Variants in ADGRB1 observed in about 807,000 individuals in gnomAD.
The protein encoded by ADGRB1 is brain-specific angiogenesis inhibitor 1.
Under a neutral mutation model 175.7 loss-of-function variants are expected in ADGRB1, and 36 were observed. That is an observed-to-expected ratio of 0.20 (90% CI 0.16 to 0.27). The LOEUF (loss-of-function observed/expected upper bound fraction) is 0.27, where lower values mean the gene tolerates loss of function less well. Among genes scored for constraint, ADGRB1 ranks in the 10% least tolerant of loss-of-function variants. The pLI, the probability that ADGRB1 is intolerant of heterozygous loss-of-function variation, is 1.00. For missense variants in ADGRB1, 1,731 were observed against 2,255.3 expected, an observed-to-expected ratio of 0.77 and a Z score of 4.71; for synonymous variants, 1,054 against 979.4, an observed-to-expected ratio of 1.08 and a Z score of -1.42.
intron 21 of ADGRB1, 62 bp downstream of exon 21, chr8:142,522,177 G>A: frequency 3.2e-6 from 5 of 1,567,266 alleles, no homozygotes; most frequent in Non-Finnish European, 4.3e-6. Context: ...TGCTTGTTCT[G>A]TCCTGGCAGC....
intron 24 of ADGRB1, among the ~76,000 whole-genome samples, chr8:142,530,005 C>G (rs895762311): frequency 2.7e-5 from 4 of 147,306 alleles, no homozygotes; most frequent in Admixed American, 6.8e-5. Context: ...TGAGCGCAAC[C>G]TGCTGTGCGT....
At chr8:142,490,905 C>A (rs1841949500) in intron 17 of ADGRB1, 90 bp downstream of exon 17, 3 of 1,457,760 alleles carry the variant, frequency 2.1e-6, no homozygotes, top group South Asian at 2.5e-5. Context: ...GGTTTCAGGT[C>A]TTGTCCACTT....
chr8:142,513,627 G>C (rs567262231), intron 18 of ADGRB1, among the ~76,000 whole-genome samples: 6 of 152,322 alleles, frequency 3.9e-5, no homozygotes, highest in African/African-American at 1.4e-4. Flanking sequence ...AGCCGCCCAG[G>C]TGGAAAGGAG....
At chr8:142,527,381 G>A (rs555675751) in intron 24 of ADGRB1, among the ~76,000 whole-genome samples, 6 of 152,268 alleles carry the variant, frequency 3.9e-5, no homozygotes, top group African/African-American at 1.4e-4. Flanking sequence ...TGGATGCTTG[G>A]TGTCTCTCTG....
intron 18 of ADGRB1, among the ~76,000 whole-genome samples, chr8:142,516,171 C>A (rs1843404852): frequency 6.8e-6 from 1 of 147,332 alleles, no homozygotes; most frequent in Non-Finnish European, 1.5e-5. Flanking sequence ...TGTGTGGGAG[C>A]CCCAGGTGCG....
chr8:142,489,201 G>A, intron 15 of ADGRB1, 91 bp downstream of exon 15: 5 of 1,546,158 alleles, frequency 3.2e-6, no homozygotes, highest in Non-Finnish European at 4.4e-6. Context: ...GAGGCCAGGG[G>A]GCCTGGAGGA....
chr8:142,469,581 A>ATG (rs1373659188), intron 2 of ADGRB1, among the ~76,000 whole-genome samples: 2 of 126,270 alleles, frequency 1.6e-5, no homozygotes, highest in East Asian at 2.6e-4. Flanking sequence ...GCATGTGTGC[A>ATG]TGTGTGAATG....
In ADGRB1 at chr8:142,524,317, C is replaced by A; in HGVS notation, c.3312+13C>A. 1 of 1,583,314 alleles carries A rather than the reference C, an allele frequency of 6.3e-7. No individual in the cohort carries two copies. ...TGCCGTTGTGCTGGTACTGACCCGC[C>A]CAGGCCCCACTCCCCACGACCCCAC... On this transcript the variant is annotated intron_variant, in intron 23 of 30. Coordinates refer to ENST00000517894, the MANE Select transcript of ADGRB1 (RefSeq NM_001702.3).
At position 142,511,185 on chromosome 8, in the gene ADGRB1, G is replaced by T. The variant is rs1220388699; in HGVS notation, c.2817+112G>T. The T allele has an allele frequency of 1.4e-5, 12 of 883,160 alleles. 1 individual carries two copies. The African/African-American group carries it at 2.0e-4, about 15-fold the overall frequency. 54.7% of individuals were successfully genotyped at this position (883,160 alleles called of 1,614,324 possible). The stretch of plus-strand genomic sequence containing the variant: ...GCACCCGTCCTGTCCCGGAGGGGTC[G>T]CTGTGGCCCGCAGCCGCCGTGGCCT... On this transcript the variant is annotated intron_variant, in intron 18 of 30. Coordinates refer to ENST00000517894, the MANE Select transcript of ADGRB1 (RefSeq NM_001702.3). The surrounding 1 kb of genome is among the most constrained non-coding windows in gnomAD (Gnocchi z 4.5).
intron 23 of ADGRB1, 84 bp downstream of exon 23, chr8:142,524,388 C>T: frequency 2.2e-6 from 3 of 1,385,644 alleles, no homozygotes; most frequent in South Asian, 1.3e-5. Flanking sequence ...GTCTCATGCC[C>T]CAGGCTGTGC....
intron 26 of ADGRB1, 23 bp from the exon 27 acceptor site, chr8:142,539,351 G>A (rs953289773): frequency 1.3e-6 from 2 of 1,574,144 alleles, no homozygotes; most frequent in African/African-American, 2.7e-5. Flanking sequence ...CGCTCACCCT[G>A]CCCTGTTGTC....
chr8:142,525,710 A>G (rs867615483), intron 23 of ADGRB1, among the ~76,000 whole-genome samples: 1 of 152,138 alleles, frequency 6.6e-6, no homozygotes, highest in African/African-American at 2.4e-5. Context: ...TGGACGTGAA[A>G]TGCCTGGTCA....
intron 6 of ADGRB1, among the ~76,000 whole-genome samples, chr8:142,477,941 T>A (rs1324713542): frequency 6.8e-6 from 1 of 147,586 alleles, no homozygotes; most frequent in Admixed American, 6.7e-5. Flanking sequence ...GCCCCCAGGG[T>A]GTTCTCACCC....
At chr8:142,525,439 C>G (rs1844118448) in intron 23 of ADGRB1, among the ~76,000 whole-genome samples, 1 of 152,054 alleles carries the variant, frequency 6.6e-6, no homozygotes, top group South Asian at 2.1e-4. Context: ...CCCCAGCAGC[C>G]CCTCCTGTCC....
intron 19 of ADGRB1, 83 bp downstream of exon 19, chr8:142,518,324 C>A: frequency 1.4e-6 from 2 of 1,430,426 alleles, no homozygotes; most frequent in South Asian, 1.2e-5. Flanking sequence ...CGGGCGGGGT[C>A]GTGGGTGCCC....
chr8:142,480,977 G>A (rs1374299158), intron 9 of ADGRB1, among the ~76,000 whole-genome samples: 2 of 108,014 alleles, frequency 1.9e-5, no homozygotes, highest in African/African-American at 7.2e-5. Context: ...AACTCTGAAG[G>A]CCCTGCTCGG....
At chr8:142,475,662 C>T in intron 3 of ADGRB1, 27 bp downstream of exon 3, 1 of 1,214,788 alleles carries the variant, frequency 8.2e-7, no homozygotes, top group Non-Finnish European at 1.0e-6. Flanking sequence ...CGGGGCGGAG[C>T]CGGAGCCCTG....
chr8:142,506,625 GAACAGGTGCC>G (rs1842865847), intron 17 of ADGRB1, among the ~76,000 whole-genome samples: 1 of 152,226 alleles, frequency 6.6e-6, no homozygotes, highest in African/African-American at 2.4e-5. Context: ...GCAGAGATGG[GAACAGGTGCC>G]CCCTGCAGCA....
chr8:142,544,089 G>A, intron 30 of ADGRB1, 131 bp from the exon 31 acceptor site: 2 of 945,066 alleles, frequency 2.1e-6, no homozygotes, highest in South Asian at 3.4e-5. Flanking sequence ...GCCTCATCCT[G>A]TCCCCTGTCC....
Sources: gnomAD v4.1 joint callset for allele counts (sites outside exome capture counted in the v4.1 genomes callset) on GRCh38, gnomAD v4.1.1 for gene constraint, Gnocchi (gnomAD v3.1) non-coding constraint, MANE v1.5 for transcripts, NCBI Gene and HGNC (gene_info 2026-07-23, HGNC 2026-07-21) for gene names.